The following PRUNE2 variants were observed in gnomAD, a reference collection of about 807,000 sequenced individuals.
PRUNE2 encodes protein prune homolog 2.
PRUNE2 carries 164 observed loss-of-function variants against 252.0 expected under a neutral mutation model. The observed-to-expected ratio is 0.65, with a 90% CI of 0.57 to 0.74. The LOEUF is 0.74. Among genes scored for constraint, PRUNE2 ranks in the 30% least tolerant of loss-of-function variants. The probability of loss-of-function intolerance (pLI) is 0.00; values close to 1 mark genes in which losing one functional copy is unlikely to be tolerated. For missense variants in PRUNE2, 3,495 were observed against 3,711.0 expected, an observed-to-expected ratio of 0.94 and a Z score of 1.51; for synonymous variants, 1,292 against 1,350.2, an observed-to-expected ratio of 0.96 and a Z score of 0.94.
At chr9:76,843,567 T>C (rs373165229) in intron 4 of PRUNE2, among the ~76,000 whole-genome samples, 1 of 152,114 alleles carries the variant, frequency 6.6e-6, no homozygotes, top group African/African-American at 2.4e-5. Flanking sequence ...AGAGAACCCT[T>C]TCTAAAGAGA....
chr9:76,659,261 T>G lies in PRUNE2; in HGVS notation c.8277-3759A>C, dbSNP rs560309107. Among the ~76,000 whole-genome samples, 30 of 152,372 alleles carry G rather than the reference T, an allele frequency of 2.0e-4. No homozygotes were observed. The South Asian group carries it at 6.0e-3, about 30-fold the overall frequency. On this transcript the variant is annotated intron_variant, in intron 9 of 18. Coordinates refer to ENST00000376718, the MANE Select transcript of PRUNE2 (RefSeq NM_015225.3). Reference sequence around the variant, plus strand: ...GCCTTTATTGTTTCAAAGGGAATATTTGACTTATGCTATGCTCAAAAATTT... The same window carrying G: ...GCCTTTATTGTTTCAAAGGGAATATGTGACTTATGCTATGCTCAAAAATTT...
chr9:76,856,955 TG>T (rs1564449887), intron 1 of PRUNE2: 1 of 396,700 alleles, frequency 2.5e-6, no homozygotes, highest in African/African-American at 2.1e-5. Flanking sequence ...AGTTTCACCA[TG>T]TTGGCCAGGC....
At chr9:76,704,136 AG>A in intron 8 of PRUNE2, 37 bp from the exon 9 acceptor site, 1 of 1,428,488 alleles carries the variant, frequency 7.0e-7, no homozygotes, top group Non-Finnish European at 9.5e-7. Flanking sequence ...GAGGAGAAAA[AG>A]GTTTAATTAA....
intron 9 of PRUNE2, among the ~76,000 whole-genome samples, chr9:76,658,962 G>T (rs1207744709): frequency 6.6e-6 from 1 of 152,200 alleles, no homozygotes; most frequent in Non-Finnish European, 1.5e-5. Context: ...CACATGACTT[G>T]CTTTGGCTAA....
At chr9:76,871,481 A>G (rs2133079531) in intron 1 of PRUNE2, among the ~76,000 whole-genome samples, 1 of 152,316 alleles carries the variant, frequency 6.6e-6, no homozygotes, top group South Asian at 2.1e-4. Flanking sequence ...TAACTGAACT[A>G]TGTTGGCTAA....
chr9:76,785,969 A>G (rs1304503438), intron 6 of PRUNE2: 1 of 152,200 alleles, frequency 6.6e-6, no homozygotes, highest in Non-Finnish European at 1.5e-5. Context: ...ATATGCATAA[A>G]TCTAACTCCT....
At chr9:76,845,490 T>C (rs1381258903) in intron 4 of PRUNE2, among the ~76,000 whole-genome samples, 2 of 152,288 alleles carry the variant, frequency 1.3e-5, no homozygotes, top group Non-Finnish European at 1.5e-5. Flanking sequence ...CAGTTTCCCA[T>C]AGAGCGTTTT....
rs1277108786 is a variant in PRUNE2, at chr9:76,710,245, C to T, written c.2029G>A (p.Glu677Lys). The change falls in exon 8 of 19, where the codon GAA (glutamate) becomes AAA (lysine). Residue 677 changes from glutamate to lysine, a missense_variant. By Grantham distance (56) the Glu-to-Lys change is moderately conservative. Transcript: ENST00000376718. ...GATTCAGGGCTCTGGAAAACAGATT[C>T]CTGTTCACTGGAACTCCACGCATCT... ...IADAWSSSEQESVFQSPESWK... is the reference protein window; with the variant it reads ...IADAWSSSEQKSVFQSPESWK... 1 of 1,613,842 alleles carries T rather than the reference C, an allele frequency of 6.2e-7. No individual in the cohort carries two copies. The highest frequency in any genetic ancestry group is 8.5e-7 in the Non-Finnish European group (1 of 1,179,902).
At chr9:76,701,159 G>A (rs955880250) in intron 9 of PRUNE2, among the ~76,000 whole-genome samples, 3 of 152,126 alleles carry the variant, frequency 2.0e-5, no homozygotes, top group African/African-American at 4.8e-5. Flanking sequence ...AGTCGGAGCC[G>A]ATAATTTGCA....
intron 6 of PRUNE2, among the ~76,000 whole-genome samples, chr9:76,776,494 ATTTTCTTTTTTT>A (rs2053762528): frequency 7.7e-6 from 1 of 129,588 alleles, no homozygotes; most frequent in South Asian, 2.6e-4. Context: ...TTTACACCAC[ATTTTCTTTTTTT>A]TTTTCTTTTT....
intron 10 of PRUNE2, 116 bp from the exon 11 acceptor site, chr9:76,652,799 G>A (rs1227151018): frequency 7.1e-6 from 5 of 700,996 alleles, no homozygotes; most frequent in East Asian, 5.1e-5. Flanking sequence ...CCAACATGAC[G>A]TGTCAAGGAA....
chr9:76,620,166 G>C (rs1831569584), intron 17 of PRUNE2, among the ~76,000 whole-genome samples: 1 of 143,316 alleles, frequency 7.0e-6, no homozygotes, highest in Admixed American at 7.0e-5. Context: ...TTGAGACAGA[G>C]TCTTGCTCTG....
chr9:76,822,153 G>A (rs1407256389), intron 6 of PRUNE2, among the ~76,000 whole-genome samples: 1 of 152,104 alleles, frequency 6.6e-6, no homozygotes, highest in African/African-American at 2.4e-5. Context: ...TGATTATATA[G>A]TTACTACCTC....
intron 1 of PRUNE2, among the ~76,000 whole-genome samples, chr9:76,872,381 A>G (rs959932969): frequency 2.0e-5 from 3 of 152,148 alleles, no homozygotes; most frequent in Non-Finnish European, 4.4e-5. Context: ...ACAATTACTT[A>G]CGCATTACAA....
chr9:76,787,058 T>C (rs2055060003), intron 6 of PRUNE2: 1 of 152,214 alleles, frequency 6.6e-6, no homozygotes, highest in Admixed American at 6.5e-5. Flanking sequence ...TGAAGATCCA[T>C]AGAATTTGCT....
At chr9:76,904,131 T>C (rs981570749) in intron 1 of PRUNE2, among the ~76,000 whole-genome samples, 16 of 152,228 alleles carry the variant, frequency 1.1e-4, no homozygotes, top group African/African-American at 3.4e-4. Flanking sequence ...TCATGATTTC[T>C]AGAAGAAGCT....
chr9:76,849,322 G>A (rs1308171822), intron 3 of PRUNE2, among the ~76,000 whole-genome samples: 1 of 152,106 alleles, frequency 6.6e-6, no homozygotes, highest in Non-Finnish European at 1.5e-5. Flanking sequence ...TCCTTCTCTT[G>A]TAGTATAACA....
chr9:76,869,084 T>G (rs2061031420), intron 1 of PRUNE2: 1 of 152,224 alleles, frequency 6.6e-6, no homozygotes, highest in Non-Finnish European at 1.5e-5. Context: ...CGAAGACTTT[T>G]CCCAGAAGCT....
In PRUNE2 at chr9:76,826,583, G is replaced by A; in HGVS notation, c.658C>T (p.Gln220Ter). The change falls in exon 5 of 19, where the codon CAG (glutamine) becomes TAG (stop). Residue 220 changes from glutamine to a stop codon, truncating the protein, a stop_gained. Transcript: ENST00000376718. LOFTEE classifies it high-confidence loss of function. ...NVLQETQFSA[Q>*]GLSIEQTMLK... ...AGCTGGGGACAGAGTCACTCACCCT[G>A]AGCACTGAACTGGGTCTCCTGTAGG... is the stretch of plus-strand genomic sequence containing the variant. The A allele has an allele frequency of 6.3e-7, 1 of 1,587,726 alleles. No homozygotes were observed. Among genetic ancestry groups the A allele is most frequent in the Non-Finnish European group, 8.6e-7 (1 of 1,164,346 alleles).
Sources: allele counts gnomAD v4.1 joint callset (sites outside exome capture counted in the v4.1 genomes callset), GRCh38; gene constraint gnomAD v4.1.1; transcripts MANE v1.5; gene names NCBI Gene and HGNC (gene_info 2026-07-23, HGNC 2026-07-21).